ANKRD30A: variants seen among roughly 807,000 people sequenced by gnomAD.
ANKRD30A encodes the protein ankyrin repeat domain-containing protein 30A.
ANKRD30A carries 170 observed loss-of-function variants against 166.3 expected under a neutral mutation model. That is an observed-to-expected ratio of 1.02 (90% CI 0.90 to 1.16). The LOEUF (loss-of-function observed/expected upper bound fraction) is 1.16. ANKRD30A is among the 50% of genes most tolerant of loss of function. The pLI, the probability that ANKRD30A is intolerant of heterozygous loss-of-function variation, is 0.00. For synonymous variants in ANKRD30A, 564 were observed against 508.9 expected (o/e 1.11, Z -1.46); for missense variants, 1,630 against 1,518.0 (o/e 1.07, Z -1.23).
chr10:37,142,438 G>A, intron 7 of ANKRD30A, 148 bp downstream of exon 7: 1 of 691,408 alleles, frequency 1.4e-6, no homozygotes, highest in Non-Finnish European at 2.3e-6. Context: ...GGAATAAGTA[G>A]CTCTTATTCT....
At chr10:37,147,911 A>G (rs968656757) in intron 9 of ANKRD30A, among the ~76,000 whole-genome samples, 4 of 152,200 alleles carry the variant, frequency 2.6e-5, no homozygotes, top group African/African-American at 9.6e-5. Context: ...TTATAGCTAA[A>G]GTTTTCTCAC....
At chr10:37,265,700 C>T in the ANKRD30A span, among the ~76,000 whole-genome samples, 224 of 152,258 alleles carry the variant, frequency 1.5e-3, 1 homozygote, top group African/African-American at 4.8e-3. Flanking sequence ...GTGTTTCCAC[C>T]GACGTTTAAA....
chr10:37,137,361 G>A (rs1836778200), intron 6 of ANKRD30A, among the ~76,000 whole-genome samples: 1 of 152,164 alleles, frequency 6.6e-6, no homozygotes, highest in Non-Finnish European at 1.5e-5. Flanking sequence ...TCACTGGACA[G>A]TGTTGGAAAG....
At chr10:37,153,412 A>G (rs780564814) in intron 12 of ANKRD30A, among the ~76,000 whole-genome samples, 160 bp from the exon 13 acceptor site, 5 of 152,132 alleles carry the variant, frequency 3.3e-5, no homozygotes, top group Non-Finnish European at 7.4e-5. Context: ...GAGGTTTTCT[A>G]TCAAAATGTG....
the ANKRD30A span, among the ~76,000 whole-genome samples, chr10:37,239,464 G>T: frequency 4.6e-5 from 7 of 152,184 alleles, no homozygotes; most frequent in South Asian, 1.4e-3. Context: ...CTTCGTGTGT[G>T]TATTTAAGGT....
At chr10:37,165,946 A>G (rs1185578689) in intron 18 of ANKRD30A, among the ~76,000 whole-genome samples, 4 of 152,204 alleles carry the variant, frequency 2.6e-5, no homozygotes, top group Middle Eastern at 3.4e-3. Flanking sequence ...TTATTAGACA[A>G]AAAGACGTTA....
At chr10:37,137,343 G>A (rs1319617859) in intron 6 of ANKRD30A, among the ~76,000 whole-genome samples, 1 of 152,108 alleles carries the variant, frequency 6.6e-6, no homozygotes, top group Non-Finnish European at 1.5e-5. Context: ...TGAGGTACCC[G>A]GTTCATCTCA....
chr10:37,227,693 A>C (rs1843225294), intron 34 of ANKRD30A, among the ~76,000 whole-genome samples: 2 of 151,974 alleles, frequency 1.3e-5, no homozygotes, highest in Admixed American at 6.6e-5. Flanking sequence ...CAAAGACAAG[A>C]GTCCATTCCT....
intron 7 of ANKRD30A, 29 bp downstream of exon 7, chr10:37,142,319 T>C: frequency 6.5e-7 from 1 of 1,545,508 alleles, no homozygotes; most frequent in East Asian, 2.2e-5. Context: ...CTTTGTAAGG[T>C]TTATTGGCAC....
intron 9 of ANKRD30A, 108 bp downstream of exon 9, chr10:37,147,565 C>T: frequency 3.2e-6 from 2 of 623,102 alleles, no homozygotes; most frequent in South Asian, 6.0e-5. Flanking sequence ...AAATACATAA[C>T]ATCGAAAAGA....
Position 37,165,215 on chromosome 10 carries a change from C to A in ANKRD30A, c.2064+60C>A. On this transcript the variant is annotated intron_variant, in intron 18 of 35. Coordinates refer to ENST00000361713, the MANE Select transcript of ANKRD30A (RefSeq NM_052997.3). ...ATTGCATGATATGAAAACATAAAAT[C>A]AGATGCTTAGTCTTTATTTTCTCAC... 3 of 1,471,420 alleles carry A rather than the reference C, an allele frequency of 2.0e-6. No homozygotes were observed. The South Asian group carries it at 3.4e-5, about 17-fold the overall frequency. The allele number at this position is 1,471,420 out of a possible 1,614,324, so 91.1% of individuals were successfully genotyped here.
chr10:37,220,422 TC>T (rs996861093), intron 34 of ANKRD30A, among the ~76,000 whole-genome samples: 2 of 151,222 alleles, frequency 1.3e-5, no homozygotes, highest in Non-Finnish European at 3.0e-5. Context: ...ATACTTTTTT[TC>T]AGTAGCTTTT....
intron 3 of ANKRD30A, 130 bp from the exon 4 acceptor site, chr10:37,132,110 G>C (rs1282191183): frequency 1.8e-6 from 1 of 550,778 alleles, no homozygotes; most frequent in African/African-American, 2.0e-5. Flanking sequence ...AGAAAAGGGA[G>C]AAAGAAGGGA....
intron 31 of ANKRD30A, among the ~76,000 whole-genome samples, chr10:37,207,608 T>G (rs1842066926): frequency 6.6e-6 from 1 of 151,890 alleles, no homozygotes; most frequent in South Asian, 2.1e-4. Context: ...TGTGAAAAAT[T>G]AGGTCACTTA....
intron 4 of ANKRD30A, among the ~76,000 whole-genome samples, chr10:37,133,614 A>T (rs1441193743): frequency 6.6e-6 from 1 of 152,250 alleles, no homozygotes; most frequent in Non-Finnish European, 1.5e-5. Context: ...ATTATGTCAG[A>T]CTAAGGAAGA....
chr10:37,213,293 T>C (rs1333857131), intron 31 of ANKRD30A, among the ~76,000 whole-genome samples: 1 of 151,874 alleles, frequency 6.6e-6, no homozygotes, highest in African/African-American at 2.4e-5. Flanking sequence ...GATTCATCGA[T>C]GCACTGTTTT....
At chr10:37,201,927 G>A (rs56895000) in intron 31 of ANKRD30A, among the ~76,000 whole-genome samples, 3,523 of 152,098 alleles carry the variant, frequency 0.023, 140 homozygotes, top group African/African-American at 0.08. Context: ...TATACACTCC[G>A]TATAGACCAG....
intron 1 of ANKRD30A, among the ~76,000 whole-genome samples, chr10:37,128,453 T>C (rs1327640117): frequency 6.6e-6 from 1 of 151,966 alleles, no homozygotes; most frequent in African/African-American, 2.4e-5. Flanking sequence ...TGCTTATTGA[T>C]TTACATGTAC....
In ANKRD30A at chr10:37,219,816, GA is replaced by G. The variant is rs755219007; in HGVS notation, c.4109del (p.Asn1370MetfsTer11). 195 of 1,596,138 alleles carry G rather than the reference GA, an allele frequency of 1.2e-4. 1 individual carries two copies. The South Asian group carries it at 1.5e-3, about 13-fold the overall frequency. On this transcript the variant is annotated frameshift_variant, in exon 34 of 36. Transcript: ENST00000361713. LOFTEE classifies it high-confidence loss of function. Reference sequence around the variant, plus strand: ...AAATGCAACATCATCTCCTAAAAGAGAAAAATGAGGAGATATTTAATTACAA... The same window carrying G: ...AAATGCAACATCATCTCCTAAAAGAGAAAATGAGGAGATATTTAATTACAA... ...RKMQHHLLKE[K>X]NEEIFNYNNH...
Sources: gnomAD v4.1 joint callset for allele counts (sites outside exome capture counted in the v4.1 genomes callset) on GRCh38, gnomAD v4.1.1 for gene constraint, MANE v1.5 for transcripts, NCBI Gene and HGNC (gene_info 2026-07-23, HGNC 2026-07-21) for gene names.